The following SCN10A variants were observed in gnomAD, a reference collection of about 807,000 sequenced individuals.
SCN10A encodes the protein sodium voltage-gated channel alpha subunit 10, also known as sodium channel protein type 10 subunit alpha.
SCN10A carries 162 observed loss-of-function variants against 170.7 expected under a neutral mutation model. That is an observed-to-expected ratio of 0.95 (90% CI 0.84 to 1.08). SCN10A has a LOEUF of 1.08. Ranked by LOEUF, SCN10A falls within the 50% of genes least tolerant of loss-of-function variation. The pLI, the probability that SCN10A is intolerant of heterozygous loss-of-function variation, is 0.00. For synonymous variants in SCN10A, 985 were observed against 904.6 expected (o/e 1.09, Z -1.59); for missense variants, 2,527 against 2,436.9 (o/e 1.04, Z -0.78).
In SCN10A at chr3:38,810,092, C is replaced by T. The variant is rs146437687; in HGVS notation, c.-33+5945G>A. Among the ~76,000 whole-genome samples, 114 of 152,258 alleles carry T rather than the reference C, an allele frequency of 7.5e-4. 1 individual carries two copies. The highest frequency in any genetic ancestry group is 2.6e-3 in the African/African-American group (109 of 41,552). On this transcript the variant is annotated intron_variant, in intron 1 of 27. Transcript: ENST00000449082. ...CACTGGGAACTTGGTTGAACACCTA[C>T]CAAAAGCATGAGCCCCTGCTCATAA...
chr3:38,745,151 T>G (rs748001649), intron 13 of SCN10A, among the ~76,000 whole-genome samples: 1 of 152,246 alleles, frequency 6.6e-6, no homozygotes, highest in Non-Finnish European at 1.5e-5. Flanking sequence ...GGCATCTTTG[T>G]AAACAGCCTT....
At chr3:38,719,567 G>C (rs2063368359) in intron 20 of SCN10A, among the ~76,000 whole-genome samples, 3 of 151,400 alleles carry the variant, frequency 2.0e-5, no homozygotes, top group Admixed American at 2.0e-4. Context: ...CTAATTTTTT[G>C]TATTTTTAGT....
chr3:38,800,680 C>T (rs1426945321), intron 1 of SCN10A, among the ~76,000 whole-genome samples: 2 of 152,110 alleles, frequency 1.3e-5, no homozygotes, highest in Non-Finnish European at 1.5e-5. Flanking sequence ...GGACTTCCTG[C>T]CTTTTGTTGT....
At chr3:38,704,794 C>T (rs935736992) in intron 26 of SCN10A, among the ~76,000 whole-genome samples, 5 of 152,214 alleles carry the variant, frequency 3.3e-5, no homozygotes, top group African/African-American at 1.2e-4. Flanking sequence ...AAATGGCACC[C>T]ATGCACTGAT....
chr3:38,719,944 T>C (rs2063373040), intron 20 of SCN10A, among the ~76,000 whole-genome samples: 1 of 152,220 alleles, frequency 6.6e-6, no homozygotes, highest in Non-Finnish European at 1.5e-5. Context: ...TTCGCTGGGC[T>C]GGAGGAAACT....
At chr3:38,760,554 G>A in intron 8 of SCN10A, 127 bp downstream of exon 8, 1 of 773,496 alleles carries the variant, frequency 1.3e-6, no homozygotes. Context: ...GTTGGCAAAG[G>A]CCATGATTTA....
intron 14 of SCN10A, 143 bp downstream of exon 14, chr3:38,742,148 T>C: frequency 1.6e-6 from 1 of 644,774 alleles, no homozygotes; most frequent in Non-Finnish European, 2.8e-6. Context: ...ACATGTCTCC[T>C]GCACTGCTGC....
At chr3:38,769,686 G>T (rs2063976747) in intron 5 of SCN10A, among the ~76,000 whole-genome samples, 1 of 152,146 alleles carries the variant, frequency 6.6e-6, no homozygotes, top group Non-Finnish European at 1.5e-5. Flanking sequence ...CATTTGAGTA[G>T]ACTATTTCAG....
At chr3:38,717,844 T>C (rs2063348722) in intron 21 of SCN10A, among the ~76,000 whole-genome samples, 1 of 152,224 alleles carries the variant, frequency 6.6e-6, no homozygotes, top group African/African-American at 2.4e-5. Flanking sequence ...CAGTTAACCA[T>C]GCTGCAAAGC....
chr3:38,709,638 G>A (rs1000211910), intron 24 of SCN10A, 23 bp from the exon 25 acceptor site: 27 of 1,564,390 alleles, frequency 1.7e-5, no homozygotes, highest in Non-Finnish European at 2.3e-5. Context: ...AAGGGAGAGT[G>A]GGAAGGAGGG....
At chr3:38,814,332 T>C (rs1413171787) in intron 1 of SCN10A, among the ~76,000 whole-genome samples, 1 of 152,082 alleles carries the variant, frequency 6.6e-6, no homozygotes, top group East Asian at 1.9e-4. Flanking sequence ...AGTATCACTT[T>C]GTATCTGGGG....
intron 4 of SCN10A, among the ~76,000 whole-genome samples, chr3:38,772,749 A>AC (rs995405611): frequency 8.6e-5 from 13 of 151,040 alleles, no homozygotes; most frequent in African/African-American, 2.2e-4. Flanking sequence ...AAAAAAAAAA[A>AC]CCTGTACTAA....
chr3:38,697,680 C>T lies in SCN10A; in HGVS notation c.5540G>A (p.Arg1847Gln), dbSNP rs148537653. 1.1e-4 allele frequency: 177 copies of T among 1,614,094 alleles called. No individual in the cohort carries two copies. Among genetic ancestry groups the T allele is most frequent in the Non-Finnish European group, 1.3e-4 (158 of 1,180,026 alleles). Residue 1847 changes from arginine (R) to glutamine (Q), a missense_variant, in exon 28 of 28, where the codon CGA becomes CAA. Coordinates refer to ENST00000449082, the MANE Select transcript of SCN10A (RefSeq NM_006514.4). ...SSYEPIATTL[R>Q]WKQEDISATV... ...GGCTGAAATGTCTTCTTGCTTCCAT[C>T]GGAGAGTGGTTGCTATTGGTTCATA...
At chr3:38,812,177 C>A (rs557950520) in intron 1 of SCN10A, among the ~76,000 whole-genome samples, 202 of 152,334 alleles carry the variant, frequency 1.3e-3, no homozygotes, top group African/African-American at 4.7e-3. Context: ...GATTGTCTTA[C>A]TAATAAAAGT....
chr3:38,723,630 C>T, intron 18 of SCN10A, 77 bp from the exon 19 acceptor site: 1 of 1,488,656 alleles, frequency 6.7e-7, no homozygotes, highest in East Asian at 2.5e-5. Flanking sequence ...ACTGCAGGTT[C>T]AACTGCACCC....
Position 38,707,393 on chromosome 3 carries a change from G to A in SCN10A, c.4282-10C>T, listed in dbSNP as rs2063222091. Reference sequence around the variant, plus strand: ...TGTCCTGGCCCCCTAAGTGCAGAGAGGGCCACACTGTTACTAAAGCAAGAG... The same window carrying A: ...TGTCCTGGCCCCCTAAGTGCAGAGAAGGCCACACTGTTACTAAAGCAAGAG... On this transcript the variant is annotated splice_polypyrimidine_tract_variant and intron_variant, in intron 25 of 27. Coordinates refer to ENST00000449082, the MANE Select transcript of SCN10A (RefSeq NM_006514.4). 1 of 1,613,708 alleles carries A rather than the reference G, an allele frequency of 6.2e-7. No homozygotes were observed. Among genetic ancestry groups the A allele is most frequent in the Non-Finnish European group, 8.5e-7 (1 of 1,179,784 alleles).
chr3:38,811,573 A>G (rs144662377), intron 1 of SCN10A, among the ~76,000 whole-genome samples: 2 of 152,344 alleles, frequency 1.3e-5, no homozygotes, highest in Admixed American at 1.3e-4. Context: ...TAATACTATT[A>G]TCTCCCAAAG....
At chr3:38,771,450 G>A (rs1471811392) in intron 4 of SCN10A, 43 bp from the exon 5 acceptor site, 1 of 1,606,270 alleles carries the variant, frequency 6.2e-7, no homozygotes, top group Non-Finnish European at 8.5e-7. Flanking sequence ...GTGCCATGGA[G>A]TGTACTCAGG....
intron 20 of SCN10A, among the ~76,000 whole-genome samples, chr3:38,720,658 C>A (rs949342265): frequency 1.3e-5 from 2 of 151,658 alleles, no homozygotes; most frequent in Admixed American, 1.3e-4. Flanking sequence ...GCTGGGCTGG[C>A]GCAGTGCTGC....
Sources: allele counts gnomAD v4.1 joint callset (sites outside exome capture counted in the v4.1 genomes callset), GRCh38; gene constraint gnomAD v4.1.1; transcripts MANE v1.5; gene names NCBI Gene and HGNC (gene_info 2026-07-23, HGNC 2026-07-21).